Variants in ANKS3 observed in about 807,000 individuals in gnomAD.
The protein encoded by ANKS3 is ankyrin repeat and SAM domain-containing protein 3.
In ANKS3, 62 loss-of-function variants were observed where a neutral mutation model predicts 80.7. The ratio of observed to expected loss-of-function variants is 0.77; its 90% CI spans 0.63 to 0.95. ANKS3 has a LOEUF of 0.95. Among genes scored for constraint, ANKS3 ranks in the 40% least tolerant of loss-of-function variants. The pLI is 0.00. For synonymous variants in ANKS3, 489 were observed against 355.3 expected (o/e 1.38, Z -4.23); for missense variants, 1,150 against 883.6 (o/e 1.30, Z -3.82).
At chr16:4,727,286 G>C (rs924287814) in intron 3 of ANKS3, 109 bp from the exon 4 acceptor site, 4 of 1,107,610 alleles carry the variant, frequency 3.6e-6, no homozygotes, top group Admixed American at 2.0e-5. Context: ...GGAAGCAGAA[G>C]TTATCTGCCA....
intron 11 of ANKS3, chr16:4,699,436 G>A (rs990403834): frequency 2.1e-5 from 11 of 517,076 alleles, no homozygotes; most frequent in South Asian, 6.2e-5. Context: ...TCCCACACAT[G>A]CTCAGTTCTG....
chr16:4,724,940 G>C (rs2081281802), intron 5 of ANKS3, 109 bp from the exon 6 acceptor site: 6 of 839,806 alleles, frequency 7.1e-6, no homozygotes, highest in Non-Finnish European at 1.2e-5. Context: ...CGATCCCTAA[G>C]CGTAGAACAC....
In ANKS3 at chr16:4,698,604, AG is replaced by A. The variant is rs762322253; in HGVS notation, c.1552-6del. On this transcript the variant is annotated splice_polypyrimidine_tract_variant and splice_region_variant and intron_variant, in intron 13 of 17. Transcript: ENST00000304283. ...GGCCTCTACCTCCTCGCAGCGCTGC[AG>A]GGGGGTGGGGGGCGCGGGGAGGCTG... 1.7e-5 allele frequency: 27 copies of A among 1,552,734 alleles called. No individual in the cohort carries two copies. The highest frequency in any genetic ancestry group is 1.1e-4 in the African/African-American group (8 of 73,792).
intron 7 of ANKS3, among the ~76,000 whole-genome samples, chr16:4,710,279 G>A (rs1035130621): frequency 4.6e-5 from 7 of 152,100 alleles, no homozygotes; most frequent in Admixed American, 2.6e-4. Context: ...TTCTCACCTC[G>A]AAATGATAAA....
At chr16:4,716,900 C>T (rs1231896374) in intron 6 of ANKS3, among the ~76,000 whole-genome samples, 1 of 151,670 alleles carries the variant, frequency 6.6e-6, no homozygotes, top group African/African-American at 2.4e-5. Flanking sequence ...CGACGACAGA[C>T]TGAGATTCCA....
At chr16:4,714,994 A>G (rs1313794212) in intron 6 of ANKS3, among the ~76,000 whole-genome samples, 3 of 149,070 alleles carry the variant, frequency 2.0e-5, no homozygotes, top group Non-Finnish European at 4.5e-5. Context: ...CTGTCTCAAA[A>G]AAAAAAAAAA....
At chr16:4,704,887 A>G (rs2080101853) in intron 8 of ANKS3, among the ~76,000 whole-genome samples, 1 of 152,254 alleles carries the variant, frequency 6.6e-6, no homozygotes, top group South Asian at 2.1e-4. Flanking sequence ...AGATAAAGCA[A>G]AAAACAAGAG....
chr16:4,724,956 C>T (rs2081282721), intron 5 of ANKS3, 125 bp from the exon 6 acceptor site: 1 of 712,212 alleles, frequency 1.4e-6, no homozygotes, highest in Admixed American at 2.8e-5. Context: ...AACACTGTCC[C>T]TTTCCAGAAT....
intron 6 of ANKS3, among the ~76,000 whole-genome samples, chr16:4,715,051 CCTACCTAGAGAAAA>C (rs1354098798): frequency 1.5e-5 from 2 of 137,440 alleles, no homozygotes; most frequent in East Asian, 4.3e-4. Context: ...ATAATGAAAA[CCTACCTAGAGAAAA>C]CTTGAATGCT....
At chr16:4,701,752 AGCACCCGGAGCAGTGCTTG>A (rs1181442124) in intron 9 of ANKS3, 2 of 530,718 alleles carry the variant, frequency 3.8e-6, no homozygotes, top group African/African-American at 3.8e-5. Flanking sequence ...ATAAATCCCA[AGCACCCGGAGCAGTGCTTG>A]GCACACGGTG....
At position 4,705,243 on chromosome 16, in the gene ANKS3, T is replaced by G; in HGVS notation, c.720A>C (p.Glu240Asp). The stretch of plus-strand genomic sequence containing the variant: ...AGGACTCGTCAGAAGAGCTCAGATC[T>G]TCGTACTTTTCTGTGATCAAACACC... ...KSLYRSPEKY[E>D]DLSSSDESCP... The change falls in exon 8 of 18, where the codon GAA (glutamate) becomes GAC (aspartate). Residue 240 changes from glutamate to aspartate, a missense_variant. Coordinates refer to ENST00000304283, the MANE Select transcript of ANKS3 (RefSeq NM_133450.4). The G allele has an allele frequency of 1.2e-6, 2 of 1,613,716 alleles. No homozygotes were observed. The highest frequency in any genetic ancestry group is 1.7e-6 in the Non-Finnish European group (2 of 1,179,942).
At chr16:4,699,717 A>G (rs841213) in intron 11 of ANKS3, 148,594 of 154,784 alleles carry the variant, frequency 0.96, 71,617 homozygotes, top group East Asian at 1. Flanking sequence ...GCTTGAGGGG[A>G]TCACAGATTT....
At chr16:4,721,854 T>C (rs1238480857) in intron 6 of ANKS3, among the ~76,000 whole-genome samples, 1 of 151,166 alleles carries the variant, frequency 6.6e-6, no homozygotes, top group East Asian at 1.9e-4. Context: ...CAAGCTGGTC[T>C]CAAACTCCTG....
At position 4,702,123 on chromosome 16, in the gene ANKS3, T is replaced by A. The variant is rs2079947099; in HGVS notation, c.988A>T (p.Ser330Cys). The stretch of plus-strand genomic sequence containing the variant: ...GTACCCCGACTGCTGCTGCTGCTGC[T>A]GCTCTCCACATCCCGCTCATTGATG... ...SPINERDVESSSSSSSREEHA... is the reference protein window; with the variant it reads ...SPINERDVESCSSSSSREEHA... The change falls in exon 9 of 18, where the codon AGC (serine) becomes TGC (cysteine). Residue 330 changes from serine (S) to cysteine (C), a missense_variant. Coordinates refer to ENST00000304283, the MANE Select transcript of ANKS3 (RefSeq NM_133450.4). 1.3e-6 allele frequency: 2 copies of A among 1,597,126 alleles called. No individual in the cohort carries two copies. Among genetic ancestry groups the A allele is most frequent in the African/African-American group, 2.7e-5 (2 of 74,064 alleles).
At chr16:4,719,872 C>T (rs2080997339) in intron 6 of ANKS3, among the ~76,000 whole-genome samples, 1 of 151,700 alleles carries the variant, frequency 6.6e-6, no homozygotes, top group South Asian at 2.1e-4. Context: ...GCCAAAAAGT[C>T]TAACATCCTG....
chr16:4,733,067 C>T (rs2081736970), intron 1 of ANKS3, among the ~76,000 whole-genome samples: 1 of 151,628 alleles, frequency 6.6e-6, no homozygotes, highest in Non-Finnish European at 1.5e-5. Flanking sequence ...ATGGTTACTT[C>T]TAGTGTAACC....
At chr16:4,717,024 G>A (rs891423206) in intron 6 of ANKS3, among the ~76,000 whole-genome samples, 1 of 152,034 alleles carries the variant, frequency 6.6e-6, no homozygotes, top group Non-Finnish European at 1.5e-5. Flanking sequence ...CTGAGGTCAG[G>A]AGTTCAAGAC....
Position 4,702,223 on chromosome 16 carries a change from G to C in ANKS3, c.888C>G (p.Gly296=). ...CGCCACTGCTGTTGAAGGTGACATA[G>C]CCACGGGGAGGAGCCTGCTCTGTGT... ...RPRYEQAPPR[G]YVTFNSSGEN... is the part of the protein sequence containing the mutation. Residue 296 remains glycine, a synonymous_variant, in exon 9 of 18, where the codon GGC becomes GGG. Transcript: ENST00000304283. 1 of 1,583,978 alleles carries C rather than the reference G, an allele frequency of 6.3e-7. No homozygotes were observed. Among genetic ancestry groups the C allele is most frequent in the Non-Finnish European group, 8.6e-7 (1 of 1,165,692 alleles).
At chr16:4,726,599 C>T in intron 5 of ANKS3, 60 bp downstream of exon 5, 2 of 1,572,924 alleles carry the variant, frequency 1.3e-6, no homozygotes, top group Non-Finnish European at 1.7e-6. Context: ...CAGAGCCACC[C>T]TCCTTAGAGT....
Sources: allele counts gnomAD v4.1 joint callset (sites outside exome capture counted in the v4.1 genomes callset), GRCh38; gene constraint gnomAD v4.1.1; transcripts MANE v1.5; gene names NCBI Gene and HGNC (gene_info 2026-07-23, HGNC 2026-07-21).